The following RAB25 variants were observed in gnomAD, a reference collection of about 807,000 sequenced individuals.
The protein encoded by RAB25 is ras-related protein Rab-25.
RAB25 carries 23 observed loss-of-function variants against 25.2 expected under a neutral mutation model. That is an observed-to-expected ratio of 0.91 (90% CI 0.66 to 1.29). RAB25 has a LOEUF of 1.29. RAB25 is among the 50% of genes most tolerant of loss of function. The pLI is 0.00. For missense variants in RAB25, 244 were observed against 277.3 expected (o/e 0.88, Z 0.85); for synonymous variants, 102 against 111.5 (o/e 0.91, Z 0.54).
chr1:156,070,412 G>A lies in RAB25; in HGVS notation c.*125G>A. On this transcript the variant is annotated 3_prime_UTR_variant, in exon 5 of 5. Transcript: ENST00000361084. ...TGTTCCCTGTTCACAGCACCCTCAG[G>A]GTCTTAAGGTCTTCATGCCCTATCA... 2 of 1,242,956 alleles carry A rather than the reference G, an allele frequency of 1.6e-6. No homozygotes were observed. The highest frequency in any genetic ancestry group is 3.1e-5 in the South Asian group (2 of 65,210). The allele number at this position is 1,242,956 out of a possible 1,614,324, so 77.0% of individuals were successfully genotyped here.
intron 3 of RAB25, 144 bp downstream of exon 3, chr1:156,068,607 G>A (rs1647821554): frequency 1.5e-6 from 1 of 688,610 alleles, no homozygotes; most frequent in Non-Finnish European, 2.3e-6. Flanking sequence ...TCTTCCTCAG[G>A]ATTTCCCAGC....
intron 3 of RAB25, among the ~76,000 whole-genome samples, chr1:156,068,904 G>C (rs546972013): frequency 6.6e-6 from 1 of 151,752 alleles, no homozygotes; most frequent in East Asian, 1.9e-4. Flanking sequence ...GACCAGGCTG[G>C]TCTCGAACCC....
At chr1:156,069,574 A>C in intron 3 of RAB25, 97 bp from the exon 4 acceptor site, 2 of 955,156 alleles carry the variant, frequency 2.1e-6, no homozygotes, top group Non-Finnish European at 3.3e-6. Context: ...ACATGCCAAG[A>C]GTTTAGCACA....
rs201375231 is a variant in RAB25 at position 156,066,025 on chromosome 1, C to T, written c.158C>T (p.Thr53Ile). ...TTIGVEFSTR[T>I]VMLGTAAVKA... is the part of the protein sequence containing the mutation. The stretch of plus-strand genomic sequence containing the variant: ...ATCGGGGTTGAGTTCTCCACCCGCA[C>T]TGTGATGTTGGGCACCGCTGCTGTC... The change falls in exon 2 of 5, where the codon ACT becomes ATT. Residue 53 changes from threonine to isoleucine, a missense_variant. Coordinates refer to ENST00000361084, the MANE Select transcript of RAB25 (RefSeq NM_020387.4). 3.1e-6 allele frequency: 5 copies of T among 1,614,026 alleles called. No individual in the cohort carries two copies. The highest frequency in any genetic ancestry group is 3.4e-6 in the Non-Finnish European group (4 of 1,179,922).
chr1:156,063,158 C>T (rs183867001), intron 1 of RAB25, among the ~76,000 whole-genome samples: 10 of 150,794 alleles, frequency 6.6e-5, no homozygotes, highest in South Asian at 2.1e-4. Flanking sequence ...TTTTTTGAGA[C>T]GGAGTCTCGC....
intron 1 of RAB25, among the ~76,000 whole-genome samples, chr1:156,063,555 A>C (rs1647654819): frequency 6.6e-6 from 1 of 152,196 alleles, no homozygotes; most frequent in Non-Finnish European, 1.5e-5. Context: ...ACCTGGGTCA[A>C]GGGCGGGGAG....
intron 3 of RAB25, 60 bp downstream of exon 3, chr1:156,068,523 G>C: frequency 6.5e-7 from 1 of 1,548,778 alleles, no homozygotes; most frequent in Non-Finnish European, 8.8e-7. Flanking sequence ...TTCCCTTGCA[G>C]TCTCCCAGCC....
intron 2 of RAB25, 137 bp from the exon 3 acceptor site, chr1:156,068,133 G>A (rs1477461402): frequency 1.8e-5 from 14 of 769,406 alleles, no homozygotes; most frequent in Non-Finnish European, 3.0e-5. Flanking sequence ...TTGGGTTCTG[G>A]GCCCCTGGCC....
At chr1:156,069,644 T>A in intron 3 of RAB25, 27 bp from the exon 4 acceptor site, 1 of 1,539,480 alleles carries the variant, frequency 6.5e-7, no homozygotes, top group Non-Finnish European at 9.0e-7. Flanking sequence ...ACTCCCACAA[T>A]TAATGGTGTG....
chr1:156,068,510 C>G (rs745755840), intron 3 of RAB25, 47 bp downstream of exon 3: 1 of 1,582,826 alleles, frequency 6.3e-7, no homozygotes, highest in Non-Finnish European at 8.6e-7. Flanking sequence ...GCTTAGCCCA[C>G]CTTTCCCTTG....
At position 156,070,391 on chromosome 1, in the gene RAB25, C is replaced by T. The variant is rs896604468; in HGVS notation, c.*104C>T. On this transcript the variant is annotated 3_prime_UTR_variant, in exon 5 of 5. Transcript: ENST00000361084. ...CTTTGGTTCCAGATATCAGACTGTTCCCTGTTCACAGCACCCTCAGGGTCT... is the reference window on the plus strand; with the variant it reads ...CTTTGGTTCCAGATATCAGACTGTTTCCTGTTCACAGCACCCTCAGGGTCT... 3.4e-5 allele frequency: 49 copies of T among 1,455,458 alleles called. No individual in the cohort carries two copies. The highest frequency in any genetic ancestry group is 2.2e-4 in the Middle Eastern group (1 of 4,504). The allele number at this position is 1,455,458 out of a possible 1,614,324, so 90.2% of individuals were successfully genotyped here. A position where few individuals can be genotyped will look rare whatever the true frequency, so the allele number is the denominator to read the frequency against.
chr1:156,069,931 G>C, intron 4 of RAB25, 180 bp downstream of exon 4: 1 of 845,086 alleles, frequency 1.2e-6, no homozygotes, highest in Non-Finnish European at 1.9e-6. Flanking sequence ...CTGGAGCTCA[G>C]GGAGGGAACA....
intron 4 of RAB25, chr1:156,069,957 G>A: frequency 1.1e-6 from 1 of 884,148 alleles, no homozygotes; most frequent in Non-Finnish European, 1.8e-6. Flanking sequence ...CACTCCCCAT[G>A]GGGCTGACTC....
chr1:156,066,120 T>G lies in RAB25; in HGVS notation c.239+14T>G. On this transcript the variant is annotated intron_variant, in intron 2 of 4. Transcript: ENST00000361084. Reference sequence around the variant, plus strand: ...CATCACCTCGGCGTGAGCCCGGGCCTGGGGGGCTGCTGGGTGGTGGGAGTT... The same window carrying G: ...CATCACCTCGGCGTGAGCCCGGGCCGGGGGGGCTGCTGGGTGGTGGGAGTT... 3 of 1,446,998 alleles carry G rather than the reference T, an allele frequency of 2.1e-6. No individual in the cohort carries two copies. The highest frequency in any genetic ancestry group is 2.8e-6 in the Non-Finnish European group (3 of 1,087,318). The allele number at this position is 1,446,998 out of a possible 1,614,324, so 89.6% of individuals were successfully genotyped here.
At chr1:156,066,481 G>A (rs1647747941) in intron 2 of RAB25, among the ~76,000 whole-genome samples, 1 of 152,194 alleles carries the variant, frequency 6.6e-6, no homozygotes, top group South Asian at 2.1e-4. Flanking sequence ...GAGCTAGGAT[G>A]GGGGCGAGCT....
At chr1:156,062,912 G>A (rs1647624051) in intron 1 of RAB25, among the ~76,000 whole-genome samples, 3 of 151,840 alleles carry the variant, frequency 2.0e-5, no homozygotes, top group Admixed American at 6.6e-5. Flanking sequence ...AAATTATCTG[G>A]GTGTGGTGGC....
chr1:156,062,738 C>T (rs1258692378), intron 1 of RAB25, among the ~76,000 whole-genome samples: 1 of 152,130 alleles, frequency 6.6e-6, no homozygotes, highest in Non-Finnish European at 1.5e-5. Flanking sequence ...GTTCAGATCT[C>T]AGCCCTGCCA....
chr1:156,064,024 C>T (rs1647667999), intron 1 of RAB25, among the ~76,000 whole-genome samples: 1 of 152,186 alleles, frequency 6.6e-6, no homozygotes, highest in African/African-American at 2.4e-5. Context: ...GACTTCAATT[C>T]CCTTGCCCTA....
intron 1 of RAB25, among the ~76,000 whole-genome samples, chr1:156,064,273 C>A (rs1647674865): frequency 6.6e-6 from 1 of 152,112 alleles, no homozygotes; most frequent in Admixed American, 6.6e-5. Context: ...GACACAATTT[C>A]ACTGTCACCC....
Sources: gnomAD v4.1 joint callset for allele counts (sites outside exome capture counted in the v4.1 genomes callset) on GRCh38, gnomAD v4.1.1 for gene constraint, MANE v1.5 for transcripts, NCBI Gene and HGNC (gene_info 2026-07-23, HGNC 2026-07-21) for gene names.